Variants in PCCA observed in about 807,000 individuals in gnomAD.
PCCA encodes propionyl-CoA carboxylase alpha chain, mitochondrial.
In PCCA, 74 loss-of-function variants were observed where a neutral mutation model predicts 101.3. The ratio of observed to expected loss-of-function variants is 0.73; its 90% CI spans 0.61 to 0.89. The LOEUF is 0.89. PCCA is among the 40% of genes least tolerant of loss of function. The pLI, the probability that PCCA is intolerant of heterozygous loss-of-function variation, is 0.00. For missense variants in PCCA, 891 were observed against 907.0 expected, an observed-to-expected ratio of 0.98 and a Z score of 0.23; for synonymous variants, 294 against 313.6, an observed-to-expected ratio of 0.94 and a Z score of 0.66.
intron 20 of PCCA, among the ~76,000 whole-genome samples, chr13:100,437,356 C>T (rs1595895986): frequency 6.6e-6 from 1 of 152,162 alleles, no homozygotes; most frequent in East Asian, 1.9e-4. Flanking sequence ...GAGGAAATCA[C>T]ATATTTTGAA....
At chr13:100,468,064 A>T (rs915871360) in intron 21 of PCCA, among the ~76,000 whole-genome samples, 2 of 152,218 alleles carry the variant, frequency 1.3e-5, no homozygotes, top group Non-Finnish European at 2.9e-5. Flanking sequence ...ATCTCCTTGT[A>T]TATCTCCGTC....
chr13:100,102,357 A>G (rs1205264990), intron 1 of PCCA, among the ~76,000 whole-genome samples: 1 of 152,210 alleles, frequency 6.6e-6, no homozygotes, highest in Non-Finnish European at 1.5e-5. Flanking sequence ...CTTCACAAAC[A>G]GTTCAATGAA....
chr13:100,437,611 C>T (rs1023392040), intron 20 of PCCA, among the ~76,000 whole-genome samples: 16 of 151,684 alleles, frequency 1.1e-4, no homozygotes, highest in Admixed American at 9.2e-4. Context: ...ATTAAATAGC[C>T]TTATCTAATA....
At chr13:100,445,811 T>C (rs1179141472) in intron 20 of PCCA, among the ~76,000 whole-genome samples, 3 of 152,202 alleles carry the variant, frequency 2.0e-5, no homozygotes, top group Non-Finnish European at 4.4e-5. Flanking sequence ...TATCCGTTGG[T>C]CCATGGATGG....
chr13:100,145,944 T>C (rs1302520818), intron 4 of PCCA, among the ~76,000 whole-genome samples: 1 of 109,094 alleles, frequency 9.2e-6, no homozygotes, highest in African/African-American at 3.2e-5. Flanking sequence ...TAGTTTTGCT[T>C]TTTTTTTTTT....
chr13:100,509,824 T>TTTTTTTGTTTTG (rs1245838154), intron 21 of PCCA, among the ~76,000 whole-genome samples: 2 of 133,914 alleles, frequency 1.5e-5, no homozygotes, highest in Non-Finnish European at 3.1e-5. Context: ...TGTTTTGTGT[T>TTTTTTTGTTTTG]TTTTTTGTTT....
At chr13:100,168,329 A>G (rs1165565484) in intron 6 of PCCA, among the ~76,000 whole-genome samples, 1 of 152,210 alleles carries the variant, frequency 6.6e-6, no homozygotes, top group Non-Finnish European at 1.5e-5. Context: ...ACACATCCCA[A>G]TTATAAATTC....
At chr13:100,136,966 G>T (rs958292385) in intron 4 of PCCA, among the ~76,000 whole-genome samples, 1 of 151,790 alleles carries the variant, frequency 6.6e-6, no homozygotes, top group Non-Finnish European at 1.5e-5. Flanking sequence ...GGTTTGTAAG[G>T]TAGGAGCTTA....
rs551183851 is a variant in PCCA, at chr13:100,167,860, G to A, written c.468+10520G>A. Among the ~76,000 whole-genome samples the A allele has an allele frequency of 4.6e-5, 7 of 152,026 alleles. No homozygotes were observed. The South Asian group carries it at 8.3e-4, about 18-fold the overall frequency. On this transcript the variant is annotated intron_variant, in intron 6 of 23. Coordinates refer to ENST00000376285, the MANE Select transcript of PCCA (RefSeq NM_000282.4). ...CGGCTCTCTGCAAGCTCTGCCTCCC[G>A]GGTTCATGCCATTCTCCTGCCTCAG...
At chr13:100,273,995 A>G (rs2063479089) in intron 12 of PCCA, among the ~76,000 whole-genome samples, 2 of 152,234 alleles carry the variant, frequency 1.3e-5, no homozygotes, top group Admixed American at 1.3e-4. Context: ...GAATAATTGA[A>G]TGTATTATTA....
intron 22 of PCCA, among the ~76,000 whole-genome samples, chr13:100,525,529 G>A (rs2087726824): frequency 6.6e-6 from 1 of 152,232 alleles, no homozygotes; most frequent in South Asian, 2.1e-4. Flanking sequence ...GGTCAGGCTG[G>A]CCTTTGCCCC....
intron 12 of PCCA, among the ~76,000 whole-genome samples, chr13:100,283,493 G>A (rs2152632599): frequency 6.6e-6 from 1 of 152,284 alleles, no homozygotes; most frequent in East Asian, 1.9e-4. Context: ...GCTACGGGAG[G>A]CCTTAAGAAA....
intron 7 of PCCA, among the ~76,000 whole-genome samples, chr13:100,222,611 A>G (rs2152499384): frequency 6.6e-6 from 1 of 152,346 alleles, no homozygotes; most frequent in South Asian, 2.1e-4. Context: ...ATAGTACCGA[A>G]TTTTGGAATA....
At chr13:100,115,262 C>T (rs1174562422) in intron 4 of PCCA, among the ~76,000 whole-genome samples, 4 of 151,416 alleles carry the variant, frequency 2.6e-5, no homozygotes, top group Non-Finnish European at 4.4e-5. Context: ...GGATGGTTAC[C>T]AGAGGCTTGG....
At chr13:100,263,271 T>G (rs2062650783) in intron 10 of PCCA, among the ~76,000 whole-genome samples, 1 of 152,170 alleles carries the variant, frequency 6.6e-6, no homozygotes, top group African/African-American at 2.4e-5. Flanking sequence ...CAAAACAAAA[T>G]GGGTTTTCTA....
chr13:100,100,917 C>A (rs1337003612), intron 1 of PCCA, among the ~76,000 whole-genome samples: 2 of 152,064 alleles, frequency 1.3e-5, no homozygotes, highest in African/African-American at 4.8e-5. Flanking sequence ...GATTCTCCTG[C>A]CTCAGCCATC....
At chr13:100,383,279 A>G (rs1172168062) in intron 19 of PCCA, among the ~76,000 whole-genome samples, 4 of 151,628 alleles carry the variant, frequency 2.6e-5, no homozygotes, top group African/African-American at 7.3e-5. Context: ...GGCATGAGCC[A>G]CCGTGCCCAG....
chr13:100,421,485 G>T (rs2078751511), intron 19 of PCCA, among the ~76,000 whole-genome samples: 1 of 151,830 alleles, frequency 6.6e-6, no homozygotes, highest in Non-Finnish European at 1.5e-5. Context: ...TTAAAGAAGG[G>T]GCACTAAGTT....
At chr13:100,333,699 C>T (rs932976608) in intron 17 of PCCA, among the ~76,000 whole-genome samples, 1 of 152,062 alleles carries the variant, frequency 6.6e-6, no homozygotes, top group Non-Finnish European at 1.5e-5. Flanking sequence ...TCTCTGATAC[C>T]TTCCTATACT....
Sources: gnomAD v4.1 joint callset for allele counts (sites outside exome capture counted in the v4.1 genomes callset) on GRCh38, gnomAD v4.1.1 for gene constraint, MANE v1.5 for transcripts, NCBI Gene and HGNC (gene_info 2026-07-23, HGNC 2026-07-21) for gene names.